Variants in AXDND1 observed in about 807,000 individuals in gnomAD.
The protein encoded by AXDND1 is axonemal dynein light chain domain-containing protein 1.
AXDND1 carries 110 observed loss-of-function variants against 137.5 expected under a neutral mutation model. That is an observed-to-expected ratio of 0.80 (90% CI 0.69 to 0.94). AXDND1 has a LOEUF of 0.94. Ranked by LOEUF, AXDND1 falls within the 40% of genes least tolerant of loss-of-function variation. The pLI, the probability that AXDND1 is intolerant of heterozygous loss-of-function variation, is 0.00. For missense variants in AXDND1, 1,191 were observed against 1,169.8 expected, an observed-to-expected ratio of 1.02 and a Z score of -0.26; for synonymous variants, 414 against 399.7, an observed-to-expected ratio of 1.04 and a Z score of -0.43.
At chr1:179,428,741 G>A (rs1175794425) in intron 12 of AXDND1, among the ~76,000 whole-genome samples, 2 of 152,084 alleles carry the variant, frequency 1.3e-5, no homozygotes, top group African/African-American at 2.4e-5. Context: ...TTCTTCTAAG[G>A]CAAACATTAG....
intron 25 of AXDND1, chr1:179,544,985 G>T (rs994832646): frequency 6.6e-6 from 1 of 152,254 alleles, no homozygotes; most frequent in African/African-American, 2.4e-5. Context: ...CTTCATAGGG[G>T]CCTGTGTTGC....
chr1:179,531,815 G>A lies in AXDND1; in HGVS notation c.2716-1980G>A, dbSNP rs560305308. Among the ~76,000 whole-genome samples the A allele has an allele frequency of 9.1e-4, 139 of 152,252 alleles. 2 individuals carry two copies. In the South Asian group the frequency reaches 0.028, roughly 31 times the overall value. On this transcript the variant is annotated intron_variant, in intron 23 of 25. Transcript: ENST00000367618. ...GACCAAGCTAAAAAACCTAAAGGCAGAATTGATGTCAGACGGAGACTAACT... is the reference window on the plus strand; with the variant it reads ...GACCAAGCTAAAAAACCTAAAGGCAAAATTGATGTCAGACGGAGACTAACT...
chr1:179,432,270 A>T lies in AXDND1; in HGVS notation c.1491A>T (p.Glu497Asp). ...TTTTTTTTTTTCTTCTTTTCAGTGA[A>T]AAAGACATTTTATCCCCTAATAAGG... ...GLIKWQEFFN[E>D]KDILSPNKGN... The change falls in exon 15 of 26, where the codon GAA becomes GAT. Residue 497 changes from glutamate to aspartate, a missense_variant. Glu to Asp is a conservative substitution (Grantham distance 45). Transcript: ENST00000367618. 1 of 1,548,266 alleles carries T rather than the reference A, an allele frequency of 6.5e-7. No individual in the cohort carries two copies. The highest frequency in any genetic ancestry group is 1.2e-5 in the South Asian group (1 of 82,374).
intron 20 of AXDND1, among the ~76,000 whole-genome samples, chr1:179,509,020 A>G (rs1242427463): frequency 3.9e-5 from 6 of 152,190 alleles, no homozygotes; most frequent in Admixed American, 1.3e-4. Context: ...CCATTTAGAC[A>G]TTAGTAAATA....
chr1:179,390,333 A>G (rs1306082954), intron 9 of AXDND1, among the ~76,000 whole-genome samples: 1 of 152,158 alleles, frequency 6.6e-6, no homozygotes, highest in Non-Finnish European at 1.5e-5. Flanking sequence ...GTTAATATAA[A>G]TGAATACTAT....
intron 16 of AXDND1, chr1:179,453,408 CA>C (rs1446071521): frequency 6.6e-6 from 1 of 152,350 alleles, no homozygotes; most frequent in African/African-American, 2.4e-5. Flanking sequence ...CACAAAACCA[CA>C]GGGGTGGAGC....
intron 15 of AXDND1, among the ~76,000 whole-genome samples, chr1:179,437,051 A>G (rs1044067886): frequency 4.0e-5 from 6 of 148,876 alleles, no homozygotes; most frequent in Admixed American, 6.7e-5. Flanking sequence ...TTCTTCATCT[A>G]TAAAAGAGAC....
intron 20 of AXDND1, among the ~76,000 whole-genome samples, chr1:179,495,896 CTT>C (rs34788199): frequency 1.2e-4 from 14 of 116,420 alleles, no homozygotes; most frequent in African/African-American, 2.8e-4. Flanking sequence ...GCTGAAAATT[CTT>C]TTTTTTTTTT....
rs1016632162 is a variant in AXDND1, at chr1:179,395,295, G to C, written c.1109+93G>C. The stretch of plus-strand genomic sequence containing the variant: ...AATATATATGATACTATAACTTCTT[G>C]AATTCTAAAATCACATATAGATAGC... On this transcript the variant is annotated intron_variant, in intron 11 of 25. Coordinates refer to ENST00000367618, the MANE Select transcript of AXDND1 (RefSeq NM_144696.6). 5 of 975,806 alleles carry C rather than the reference G, an allele frequency of 5.1e-6. No individual in the cohort carries two copies. In the African/African-American group the frequency reaches 6.5e-5, roughly 13 times the overall value. The allele number at this position is 975,806 out of a possible 1,614,324, so 60.4% of individuals were successfully genotyped here. A position where few individuals can be genotyped will look rare whatever the true frequency, so the allele number is the denominator to read the frequency against.
At chr1:179,457,040 C>A in intron 16 of AXDND1, 1 of 1,511,332 alleles carries the variant, frequency 6.6e-7, no homozygotes, top group Non-Finnish European at 9.1e-7. Context: ...TAAGTGGGCA[C>A]CTGGTCTTTG....
At position 179,369,617 on chromosome 1, in the gene AXDND1, C is replaced by A. The variant is rs568178771; in HGVS notation, c.271-358C>A. The stretch of plus-strand genomic sequence containing the variant: ...CAGTGAGCCGAGATTGCGCCATTGC[C>A]CTCCAGCCTGGACCACAGAGCAAGA... On this transcript the variant is annotated intron_variant, in intron 3 of 25. Transcript: ENST00000367618. Among the ~76,000 whole-genome samples, 430 of 151,940 alleles carry A rather than the reference C, an allele frequency of 2.8e-3. 3 individuals are homozygous for A. Among genetic ancestry groups the A allele is most frequent in the African/African-American group, 9.5e-3 (395 of 41,428 alleles).
intron 12 of AXDND1, among the ~76,000 whole-genome samples, chr1:179,414,061 T>C (rs1379699088): frequency 1.3e-5 from 2 of 152,136 alleles, no homozygotes; most frequent in African/African-American, 4.8e-5. Context: ...ATAATGTTGC[T>C]GAATATAAGA....
intron 4 of AXDND1, among the ~76,000 whole-genome samples, chr1:179,375,783 G>A (rs1668560659): frequency 6.6e-6 from 1 of 152,088 alleles, no homozygotes; most frequent in Non-Finnish European, 1.5e-5. Flanking sequence ...TAAGAGGGTG[G>A]AACAGAGAAA....
At chr1:179,456,817 A>C (rs1661474152) in intron 16 of AXDND1, 1 of 790,748 alleles carries the variant, frequency 1.3e-6, no homozygotes, top group South Asian at 1.3e-5. Context: ...CTAACTTCAC[A>C]GTTGTGGCCA....
chr1:179,426,598 C>T (rs1236376017), intron 12 of AXDND1, among the ~76,000 whole-genome samples: 1 of 152,144 alleles, frequency 6.6e-6, no homozygotes. Flanking sequence ...AAAGTCATTC[C>T]ATTCCTAAGA....
chr1:179,379,659 G>C (rs1647892597), intron 6 of AXDND1, among the ~76,000 whole-genome samples, 177 bp downstream of exon 6: 1 of 152,064 alleles, frequency 6.6e-6, no homozygotes, highest in African/African-American at 2.4e-5. Flanking sequence ...AGCTGGGTGT[G>C]GTGGCGGGTG....
chr1:179,506,480 C>T (rs1161755012), intron 20 of AXDND1, among the ~76,000 whole-genome samples: 5 of 152,174 alleles, frequency 3.3e-5, no homozygotes, highest in Admixed American at 6.5e-5. Flanking sequence ...CACCTGTAAT[C>T]CCAGACTTTG....
chr1:179,367,439 CG>C (rs1667554776), intron 2 of AXDND1, among the ~76,000 whole-genome samples: 1 of 152,262 alleles, frequency 6.6e-6, no homozygotes, highest in Admixed American at 6.5e-5. Context: ...CGCTTGAACC[CG>C]GGAGGTGGAG....
At chr1:179,391,534 C>CTTAT (rs1184333027) in intron 9 of AXDND1, among the ~76,000 whole-genome samples, 1 of 53,306 alleles carries the variant, frequency 1.9e-5, no homozygotes, top group East Asian at 5.5e-4. Context: ...TATTTATTTA[C>CTTAT]TTATTTATTT....
Sources: gnomAD v4.1 joint callset for allele counts (sites outside exome capture counted in the v4.1 genomes callset) on GRCh38, gnomAD v4.1.1 for gene constraint, MANE v1.5 for transcripts, NCBI Gene and HGNC (gene_info 2026-07-23, HGNC 2026-07-21) for gene names.